Variants in POLA2 observed in about 807,000 individuals in gnomAD.
POLA2 encodes DNA polymerase alpha subunit B.
In POLA2, 47 loss-of-function variants were observed where a neutral mutation model predicts 82.8. The ratio of observed to expected loss-of-function variants is 0.57; its 90% confidence interval spans 0.45 to 0.72. The LOEUF (loss-of-function observed/expected upper bound fraction) is 0.72, where lower values mean the gene tolerates loss of function less well. POLA2 is among the 30% of genes least tolerant of loss of function. The pLI is 0.00. For synonymous variants in POLA2, 287 were observed against 286.8 expected (o/e 1.00, Z -0.01); for missense variants, 634 against 728.1 (o/e 0.87, Z 1.49).
chr11:65,268,941 C>T (rs917598693), intron 4 of POLA2, among the ~76,000 whole-genome samples: 1 of 152,154 alleles, frequency 6.6e-6, no homozygotes, highest in Non-Finnish European at 1.5e-5. Flanking sequence ...CTCAGCACAA[C>T]ATAAAACATT....
At chr11:65,303,101 G>A (rs1350950283), downstream of POLA2, among the ~76,000 whole-genome samples, 2 of 152,156 alleles carry the variant, frequency 1.3e-5, no homozygotes, top group African/African-American at 4.8e-5. Flanking sequence ...CCAGCACTTT[G>A]GGAGGCCGAG....
intron 4 of POLA2, among the ~76,000 whole-genome samples, chr11:65,268,960 C>T (rs1434268821): frequency 6.6e-6 from 1 of 152,120 alleles, no homozygotes; most frequent in Non-Finnish European, 1.5e-5. Context: ...TTTCTATAAA[C>T]ATAATTTCTC....
chr11:65,262,692 T>C (rs1181788738), intron 1 of POLA2, among the ~76,000 whole-genome samples: 3 of 152,080 alleles, frequency 2.0e-5, no homozygotes, highest in African/African-American at 7.2e-5. Flanking sequence ...AGTTTGGAAA[T>C]TGTTGAAGCC....
chr11:65,305,632 C>T, downstream of POLA2: 1 of 344,988 alleles, frequency 2.9e-6, no homozygotes, highest in South Asian at 2.2e-5. Flanking sequence ...TATGATGACA[C>T]CATTGTACAT....
At chr11:65,285,327 C>T (rs1949684592) in intron 10 of POLA2, among the ~76,000 whole-genome samples, 1 of 151,872 alleles carries the variant, frequency 6.6e-6, no homozygotes, top group Non-Finnish European at 1.5e-5. Flanking sequence ...ATCGCTTGAA[C>T]CTGGGAGGTA....
chr11:65,304,593 TCA>T (rs1383848859), intron 8 of POLA2, among the ~76,000 whole-genome samples: 1 of 152,146 alleles, frequency 6.6e-6, no homozygotes, highest in Non-Finnish European at 1.5e-5. Context: ...TCCCACGGTA[TCA>T]CAAGGTGACC....
chr11:65,272,337 C>T (rs1949529999), intron 4 of POLA2, among the ~76,000 whole-genome samples: 1 of 152,134 alleles, frequency 6.6e-6, no homozygotes, highest in South Asian at 2.1e-4. Flanking sequence ...GAATGTTGGC[C>T]TTTCCATACA....
intron 9 of POLA2, among the ~76,000 whole-genome samples, chr11:65,282,136 G>C (rs1447671483): frequency 6.6e-6 from 1 of 152,246 alleles, no homozygotes; most frequent in East Asian, 1.9e-4. Flanking sequence ...TTCGTAGAAT[G>C]CCAGGAAAAG....
chr11:65,290,991 G>A (rs774721682), intron 13 of POLA2, among the ~76,000 whole-genome samples: 4 of 152,244 alleles, frequency 2.6e-5, no homozygotes, highest in Non-Finnish European at 5.9e-5. Flanking sequence ...AAGGAACTGT[G>A]AGAGGTTACA....
chr11:65,291,178 C>A (rs988258336), intron 13 of POLA2, among the ~76,000 whole-genome samples: 9 of 151,886 alleles, frequency 5.9e-5, no homozygotes, highest in Non-Finnish European at 8.8e-5. Flanking sequence ...CTCACAAGAT[C>A]TGCATGCTTG....
At chr11:65,284,750 C>T (rs1949678322) in intron 10 of POLA2, among the ~76,000 whole-genome samples, 1 of 152,112 alleles carries the variant, frequency 6.6e-6, no homozygotes, top group African/African-American at 2.4e-5. Context: ...TGGTCTCAAA[C>T]TCCCAACCTC....
At chr11:65,280,964 T>C (rs376819956) in intron 7 of POLA2, 28 bp from the exon 8 acceptor site, 5 of 1,610,522 alleles carry the variant, frequency 3.1e-6, no homozygotes, top group Middle Eastern at 3.8e-4. Flanking sequence ...AAGACTGTCA[T>C]TCTTATGCTG....
At chr11:65,273,312 T>G (rs1949541737) in intron 4 of POLA2, among the ~76,000 whole-genome samples, 1 of 152,130 alleles carries the variant, frequency 6.6e-6, no homozygotes, top group Admixed American at 6.5e-5. Context: ...ACCCTCCGTC[T>G]CAAAAAACAA....
intron 4 of POLA2, among the ~76,000 whole-genome samples, chr11:65,274,300 G>A (rs1949552927): frequency 6.6e-6 from 1 of 151,826 alleles, no homozygotes; most frequent in African/African-American, 2.4e-5. Context: ...GCAGTGAGCT[G>A]AGGTTGCAGT....
chr11:65,291,028 T>C (rs1949749871), intron 13 of POLA2, among the ~76,000 whole-genome samples: 1 of 152,212 alleles, frequency 6.6e-6, no homozygotes, highest in South Asian at 2.1e-4. Context: ...TGTGCAGTTC[T>C]CATTTGAGAG....
Position 65,265,178 on chromosome 11 carries a change from G to A in POLA2, c.80-1404G>A, listed in dbSNP as rs572950868. 3.3e-5 allele frequency among the ~76,000 whole-genome samples: 5 copies of A among 150,874 alleles called. No individual in the cohort carries two copies. The South Asian group carries it at 6.5e-4, about 20-fold the overall frequency. On this transcript the variant is annotated intron_variant, in intron 1 of 17. Coordinates refer to ENST00000265465, the MANE Select transcript of POLA2 (RefSeq NM_002689.4). ...GGGGAGGTGGAGGTTGCAATGAGCC[G>A]AGATCGTGCCACTGCATTCCAGCCT...
At chr11:65,296,670 G>T (rs1428304369) in intron 17 of POLA2, among the ~76,000 whole-genome samples, 1 of 152,122 alleles carries the variant, frequency 6.6e-6, no homozygotes, top group East Asian at 1.9e-4. Flanking sequence ...ACTGAGGCCG[G>T]GCGCAGTGGT....
intron 5 of POLA2, among the ~76,000 whole-genome samples, chr11:65,277,781 C>T (rs1053334709): frequency 6.6e-6 from 1 of 152,170 alleles, no homozygotes; most frequent in Non-Finnish European, 1.5e-5. Context: ...GAGAAGCTGG[C>T]AAAATGCTGC....
intron 4 of POLA2, among the ~76,000 whole-genome samples, chr11:65,273,261 A>G (rs1949541292): frequency 6.6e-6 from 1 of 152,170 alleles, no homozygotes; most frequent in Non-Finnish European, 1.5e-5. Flanking sequence ...CGGAGGTTAC[A>G]GTGAGCTGAG....
Sources: gnomAD v4.1 joint callset for allele counts (sites outside exome capture counted in the v4.1 genomes callset) on GRCh38, gnomAD v4.1.1 for gene constraint, MANE v1.5 for transcripts, NCBI Gene and HGNC (gene_info 2026-07-23, HGNC 2026-07-21) for gene names.